The following NAF1 variants were observed in gnomAD, a reference collection of about 807,000 sequenced individuals.
The protein encoded by NAF1 is nuclear assembly factor 1 ribonucleoprotein.
Under a neutral mutation model 40.6 loss-of-function variants are expected in NAF1, and 11 were observed. That is an observed-to-expected ratio of 0.27 (90% CI 0.17 to 0.45). The LOEUF is 0.45. Ranked by LOEUF, NAF1 falls within the 20% of genes least tolerant of loss-of-function variation. The pLI, the probability that NAF1 is intolerant of heterozygous loss-of-function variation, is 1.00. For missense variants in NAF1, 607 were observed against 611.1 expected, an observed-to-expected ratio of 0.99 and a Z score of 0.07; for synonymous variants, 260 against 228.5, an observed-to-expected ratio of 1.14 and a Z score of -1.24.
At chr4:163,105,430 G>T (rs1476104598), downstream of NAF1, among the ~76,000 whole-genome samples, 1 of 152,178 alleles carries the variant, frequency 6.6e-6, no homozygotes, top group Non-Finnish European at 1.5e-5. Flanking sequence ...AAAAACTGGA[G>T]GCAAATAGAA....
chr4:163,146,567 A>G (rs1433631132), intron 3 of NAF1, among the ~76,000 whole-genome samples: 1 of 152,226 alleles, frequency 6.6e-6, no homozygotes, highest in African/African-American at 2.4e-5. Context: ...TTACATAGAT[A>G]ATACCATGTC....
chr4:163,143,052 T>G (rs1157232005), intron 4 of NAF1, among the ~76,000 whole-genome samples: 1 of 152,222 alleles, frequency 6.6e-6, no homozygotes, highest in Non-Finnish European at 1.5e-5. Context: ...AGACCTTTAC[T>G]ATGAGGTGGG....
At position 163,166,558 on chromosome 4, in the gene NAF1, A is replaced by G. The variant is rs1732483269; in HGVS notation, c.170T>C (p.Val57Ala). The G allele has an allele frequency of 6.2e-7, 1 of 1,600,166 alleles. No individual in the cohort carries two copies. Among genetic ancestry groups the G allele is most frequent in the Non-Finnish European group, 8.5e-7 (1 of 1,174,120 alleles). The change falls in exon 1 of 8, where the codon GTG becomes GCG. Residue 57 changes from valine to alanine, a missense_variant. Physicochemically the swap from Val to Ala is moderately conservative, Grantham distance 64. Coordinates refer to ENST00000274054, the MANE Select transcript of NAF1 (RefSeq NM_138386.3). ...FEGSPDAGQTVEVKPAGEQPL... is the reference protein window; with the variant it reads ...FEGSPDAGQTAEVKPAGEQPL... ...CTGCTCCCCGGCAGGCTTAACCTCC[A>G]CGGTCTGCCCAGCGTCCGGGGACCC... is the stretch of plus-strand genomic sequence containing the variant.
intron 3 of NAF1, among the ~76,000 whole-genome samples, chr4:163,148,032 T>C (rs1213529114): frequency 6.6e-6 from 1 of 152,070 alleles, no homozygotes. Context: ...TATGATAAAA[T>C]TGTGCTGCTG....
At position 163,133,158 on chromosome 4, in the gene NAF1, C is replaced by T; in HGVS notation, c.1029G>A (p.Glu343=). Residue 343 remains glutamate (E), a synonymous_variant, in exon 7 of 8, where the codon GAG becomes GAA. Coordinates refer to ENST00000274054, the MANE Select transcript of NAF1 (RefSeq NM_138386.3). ...GRKKLKSEFN[E]PGEDFTEVHQ... ...ATATATATTGTATTCACTCACCAGG[C>T]TCATTAAATTCAGATTTGAGTTTTT... 6.2e-7 allele frequency: 1 copy of T among 1,611,574 alleles called. No homozygotes were observed.
At chr4:163,140,501 T>C in intron 4 of NAF1, 118 bp from the exon 5 acceptor site, 1 of 795,566 alleles carries the variant, frequency 1.3e-6, no homozygotes, top group Non-Finnish European at 2.0e-6. Context: ...TTTGTCAGTG[T>C]TAGGGCAATA....
rs137925572 is a variant in NAF1 at position 163,118,792 on chromosome 4, G to A, written c.115-8502C>T. ...AAAAGAAATAAAACTTATTTTATATGAGCATTTGTAACGGTCATTGCTACT... is the reference window on the plus strand; with the variant it reads ...AAAAGAAATAAAACTTATTTTATATAAGCATTTGTAACGGTCATTGCTACT... On this transcript the variant is annotated intron_variant, in intron 2 of 2. Coordinates refer to the NAF1 transcript ENST00000509434. 5.9e-3 allele frequency among the ~76,000 whole-genome samples: 895 copies of A among 152,148 alleles called. 12 individuals are homozygous for A. The highest frequency in any genetic ancestry group is 0.02 in the African/African-American group (833 of 41,524).
intron 2 of NAF1, among the ~76,000 whole-genome samples, chr4:163,110,875 A>T (rs1730140166): frequency 6.6e-6 from 1 of 152,110 alleles, no homozygotes; most frequent in Admixed American, 6.6e-5. Context: ...TATATTTTTT[A>T]AAAATGGATT....
At chr4:163,126,879 A>G (rs1412720827), downstream of NAF1, 12 of 1,430,764 alleles carry the variant, frequency 8.4e-6, no homozygotes, top group Non-Finnish European at 1.0e-5. Flanking sequence ...AACAGCTAAA[A>G]GACTGTAACT....
In NAF1 at chr4:163,137,179, A is replaced by T. The variant is rs1731091786; in HGVS notation, c.930+20T>A. 3 of 1,611,902 alleles carry T rather than the reference A, an allele frequency of 1.9e-6. No homozygotes were observed. Among genetic ancestry groups the T allele is most frequent in the Non-Finnish European group, 2.5e-6 (3 of 1,178,424 alleles). On this transcript the variant is annotated intron_variant, in intron 6 of 7. Coordinates refer to ENST00000274054, the MANE Select transcript of NAF1 (RefSeq NM_138386.3). ...CCTGCCCTACTTTATAAAATGTTGC[A>T]TAAAAAGACTTATACTTACCTCTGG...
At chr4:163,157,376 T>C (rs1286150713) in intron 2 of NAF1, 1 of 152,094 alleles carries the variant, frequency 6.6e-6, no homozygotes, top group Admixed American at 6.5e-5. Flanking sequence ...GGAATGTATC[T>C]ATTACCAGTT....
chr4:163,113,474 TG>T (rs1560774923), intron 2 of NAF1, among the ~76,000 whole-genome samples: 1 of 152,170 alleles, frequency 6.6e-6, no homozygotes, highest in Non-Finnish European at 1.5e-5. Flanking sequence ...TTTTTGTATC[TG>T]GAAGTTTTGC....
chr4:163,104,449 G>T, the NAF1 span, among the ~76,000 whole-genome samples: 1 of 152,128 alleles, frequency 6.6e-6, no homozygotes, highest in Non-Finnish European at 1.5e-5. Flanking sequence ...TGTAAAAATG[G>T]CTATAAAAAT....
chr4:163,146,362 C>G lies in NAF1; in HGVS notation c.635-498G>C, dbSNP rs902634464. Among the ~76,000 whole-genome samples the G allele has an allele frequency of 3.9e-5, 6 of 152,132 alleles. No homozygotes were observed. The South Asian group carries it at 1.2e-3, about 32-fold the overall frequency. On this transcript the variant is annotated intron_variant, in intron 3 of 7. Transcript: ENST00000274054. The stretch of plus-strand genomic sequence containing the variant: ...CAGAAGAAGTAAAAGTGCTAGAGCT[C>G]ACAGTAATTTTTATCATTACATGAA...
At chr4:163,159,235 A>G (rs1263036899) in intron 2 of NAF1, among the ~76,000 whole-genome samples, 1 of 152,158 alleles carries the variant, frequency 6.6e-6, no homozygotes. Flanking sequence ...TCTGTAAGAT[A>G]TAAAACTTTA....
chr4:163,145,953 T>TA (rs906293853), intron 3 of NAF1, 89 bp from the exon 4 acceptor site: 160 of 682,926 alleles, frequency 2.3e-4, no homozygotes, highest in South Asian at 4.7e-4. Flanking sequence ...CAACATAATT[T>TA]AAAAAAAAAT....
intron 2 of NAF1, among the ~76,000 whole-genome samples, chr4:163,153,737 A>G (rs2111009863): frequency 6.6e-6 from 1 of 152,294 alleles, no homozygotes; most frequent in East Asian, 1.9e-4. Context: ...ACTCGGCTCT[A>G]CCAATCAGCA....
intron 6 of NAF1, among the ~76,000 whole-genome samples, chr4:163,134,536 T>C (rs2110901608): frequency 6.6e-6 from 1 of 152,300 alleles, no homozygotes; most frequent in East Asian, 1.9e-4. Flanking sequence ...GGAGATCAGA[T>C]AGAAGACTCC....
intron 5 of NAF1, 147 bp downstream of exon 5, chr4:163,140,076 T>C (rs1045595164): frequency 4.8e-5 from 28 of 583,154 alleles, no homozygotes; most frequent in African/African-American, 4.3e-4. Context: ...GAAAATAAAT[T>C]GTAGGCTTCA....
Sources: gnomAD v4.1 joint callset for allele counts (sites outside exome capture counted in the v4.1 genomes callset) on GRCh38, gnomAD v4.1.1 for gene constraint, MANE v1.5 for transcripts, NCBI Gene and HGNC (gene_info 2026-07-23, HGNC 2026-07-21) for gene names.